Variants in ARHGAP10 observed in about 807,000 individuals in gnomAD.
ARHGAP10 encodes Rho GTPase activating protein 10.
Under a neutral mutation model 108.6 loss-of-function variants are expected in ARHGAP10, and 87 were observed. The ratio of observed to expected loss-of-function variants is 0.80; its 90% confidence interval spans 0.67 to 0.96. The LOEUF is 0.96. Ranked by LOEUF, ARHGAP10 falls within the 40% of genes least tolerant of loss-of-function variation. The pLI is 0.00. For missense variants in ARHGAP10, 939 were observed against 954.5 expected, an observed-to-expected ratio of 0.98 and a Z score of 0.21; for synonymous variants, 347 against 341.1, an observed-to-expected ratio of 1.02 and a Z score of -0.19.
At chr4:147,833,809 A>G (rs1316604116) in intron 3 of ARHGAP10, among the ~76,000 whole-genome samples, 1 of 152,168 alleles carries the variant, frequency 6.6e-6, no homozygotes, top group African/African-American at 2.4e-5. Context: ...AATGATATAT[A>G]TATTAAGTTG....
intron 10 of ARHGAP10, among the ~76,000 whole-genome samples, chr4:147,902,373 G>A (rs1437153162): frequency 6.6e-6 from 1 of 152,120 alleles, no homozygotes; most frequent in African/African-American, 2.4e-5. Context: ...CCTTAGCATG[G>A]TGTATTAATT....
chr4:147,946,022 C>G (rs961061256), intron 14 of ARHGAP10, among the ~76,000 whole-genome samples: 1 of 152,170 alleles, frequency 6.6e-6, no homozygotes, highest in African/African-American at 2.4e-5. Context: ...CGTGTGGGCC[C>G]TTAGTCTAAG....
chr4:148,063,168 C>T lies in ARHGAP10; in HGVS notation c.2048C>T (p.Ser683Phe), dbSNP rs781755822. The change falls in exon 21 of 23, where the codon TCT becomes TTT. Residue 683 changes from serine (S) to phenylalanine (F), a missense_variant. Physicochemically the swap from Ser to Phe is radical, Grantham distance 155. Transcript: ENST00000336498. ...ASTIPGQTRS[S>F]MVQWLNPQSP... ...CTTAGCCCAGGCCAGACCCGATCGT[C>T]TATGGTCCAGTGGCTTAACCCACAG... The T allele has an allele frequency of 6.2e-7, 1 of 1,614,228 alleles. No individual in the cohort carries two copies. The highest frequency in any genetic ancestry group is 1.3e-5 in the African/African-American group (1 of 75,052).
At position 147,982,866 on chromosome 4, in the gene ARHGAP10, ATACT is replaced by A. The variant is rs531085909; in HGVS notation, c.1716+16037_1716+16040del. ...TTTTACATAATCTCGTATTTCTCAA[ATACT>A]TACTTACTTTCTTTTTTTTCCTGAA... On this transcript the variant is annotated intron_variant, in intron 18 of 22. Coordinates refer to ENST00000336498, the MANE Select transcript of ARHGAP10 (RefSeq NM_024605.4). 1.0e-3 allele frequency among the ~76,000 whole-genome samples: 153 copies of A among 151,370 alleles called. 2 individuals are homozygous for A. The highest frequency in any genetic ancestry group is 3.3e-3 in the African/African-American group (135 of 41,254).
At position 147,801,700 on chromosome 4, in the gene ARHGAP10, G is replaced by A. The variant is rs544588201; in HGVS notation, c.155-21027G>A. On this transcript the variant is annotated intron_variant, in intron 1 of 22. Transcript: ENST00000336498. ...GTAAAGAATATAATGAAGGTTGGTG[G>A]CACCACCCAAGCGAATTAATCTCAT... is the stretch of plus-strand genomic sequence containing the variant. 3.9e-5 allele frequency among the ~76,000 whole-genome samples: 6 copies of A among 152,290 alleles called. No homozygotes were observed. The East Asian group carries it at 1.2e-3, about 29-fold the overall frequency.
At chr4:147,789,567 C>T (rs530305506) in intron 1 of ARHGAP10, among the ~76,000 whole-genome samples, 23 of 152,308 alleles carry the variant, frequency 1.5e-4, no homozygotes, top group African/African-American at 2.4e-4. Context: ...CCACCATGCC[C>T]GGCCCACATG....
intron 13 of ARHGAP10, among the ~76,000 whole-genome samples, chr4:147,932,423 G>A (rs1042669856): frequency 2.6e-5 from 4 of 152,122 alleles, no homozygotes; most frequent in Non-Finnish European, 5.9e-5. Flanking sequence ...ATGATAGACT[G>A]GATAAAGAAA....
At chr4:147,795,499 G>T (rs1368784787) in intron 1 of ARHGAP10, among the ~76,000 whole-genome samples, 2 of 151,900 alleles carry the variant, frequency 1.3e-5, no homozygotes, top group African/African-American at 4.8e-5. Context: ...CTTCAGAGGA[G>T]ATATATTTTT....
At chr4:147,782,795 C>G (rs994365320) in intron 1 of ARHGAP10, 4 of 149,414 alleles carry the variant, frequency 2.7e-5, no homozygotes, top group Non-Finnish European at 5.9e-5. Flanking sequence ...TGACAGCATT[C>G]CTGAGTTATT....
intron 16 of ARHGAP10, among the ~76,000 whole-genome samples, chr4:147,962,444 T>A (rs1417985513): frequency 2.6e-5 from 4 of 152,216 alleles, no homozygotes; most frequent in Non-Finnish European, 4.4e-5. Context: ...TAAGATATTG[T>A]TTCATTTTGC....
intron 18 of ARHGAP10, among the ~76,000 whole-genome samples, chr4:147,989,340 CA>C (rs1468068752): frequency 6.6e-6 from 1 of 152,242 alleles, no homozygotes; most frequent in African/African-American, 2.4e-5. Context: ...GCACCATTGT[CA>C]TTGATAACAT....
chr4:147,787,062 G>A lies in ARHGAP10; in HGVS notation c.155-35665G>A, dbSNP rs1408543024. On this transcript the variant is annotated intron_variant, in intron 1 of 22. Coordinates refer to ENST00000336498, the MANE Select transcript of ARHGAP10 (RefSeq NM_024605.4). ...ATTGTGAAGGGACCTGGAGTGCTCG[G>A]CCTGTGTGCTGAAGAATGTGCAGCT... 2.0e-5 allele frequency among the ~76,000 whole-genome samples: 3 copies of A among 152,122 alleles called. No individual in the cohort carries two copies. The East Asian group carries it at 5.8e-4, about 29-fold the overall frequency.
intron 10 of ARHGAP10, among the ~76,000 whole-genome samples, chr4:147,905,241 A>G (rs959137351): frequency 6.6e-6 from 1 of 151,284 alleles, no homozygotes; most frequent in African/African-American, 2.4e-5. Context: ...GTTTAATTAG[A>G]TCCCATTTGT....
At chr4:147,868,007 T>G (rs1412630746) in intron 7 of ARHGAP10, among the ~76,000 whole-genome samples, 1 of 151,818 alleles carries the variant, frequency 6.6e-6, no homozygotes, top group Non-Finnish European at 1.5e-5. Flanking sequence ...ATGTGTCAAC[T>G]TGTATTTGAG....
At chr4:147,819,861 T>C (rs191961684) in intron 1 of ARHGAP10, among the ~76,000 whole-genome samples, 1 of 152,222 alleles carries the variant, frequency 6.6e-6, no homozygotes, top group Admixed American at 6.5e-5. Flanking sequence ...GCACAGCCTA[T>C]TGTATCTTAT....
chr4:147,842,284 C>T (rs886394482), intron 3 of ARHGAP10, among the ~76,000 whole-genome samples: 1 of 152,118 alleles, frequency 6.6e-6, no homozygotes, highest in African/African-American at 2.4e-5. Flanking sequence ...CTTTGGGGCT[C>T]AGACGGATAT....
intron 10 of ARHGAP10, among the ~76,000 whole-genome samples, chr4:147,883,295 C>G (rs1160945274): frequency 6.6e-6 from 1 of 152,192 alleles, no homozygotes; most frequent in African/African-American, 2.4e-5. Flanking sequence ...CTCCTGGACT[C>G]AAGCAATCCT....
intron 4 of ARHGAP10, among the ~76,000 whole-genome samples, chr4:147,856,598 TGTGTGATAG>T (rs1348838374): frequency 3.9e-5 from 6 of 152,344 alleles, no homozygotes; most frequent in Non-Finnish European, 8.8e-5. Context: ...CTTTAGGCTA[TGTGTGATAG>T]GTGTATACAA....
chr4:148,049,379 T>C (rs1729025001), intron 20 of ARHGAP10, among the ~76,000 whole-genome samples: 2 of 152,232 alleles, frequency 1.3e-5, no homozygotes. Context: ...GCTGCTTCTC[T>C]GAGGAGCGTA....
Sources: allele counts gnomAD v4.1 joint callset (sites outside exome capture counted in the v4.1 genomes callset), GRCh38; gene constraint gnomAD v4.1.1; transcripts MANE v1.5; gene names NCBI Gene and HGNC (gene_info 2026-07-23, HGNC 2026-07-21).